The following THNSL1 variants were observed in gnomAD, a reference collection of about 807,000 sequenced individuals.
THNSL1 encodes the protein threonine synthase-like 1.
In THNSL1, 48 loss-of-function variants were observed where a neutral mutation model predicts 50.4. The observed-to-expected ratio is 0.95, with a 90% CI of 0.76 to 1.21. THNSL1 has a LOEUF of 1.21. THNSL1 is among the 50% of genes most tolerant of loss of function. The probability of loss-of-function intolerance (pLI) is 0.00; values close to 1 mark genes in which losing one functional copy is unlikely to be tolerated. For synonymous variants in THNSL1, 309 were observed against 306.1 expected, an observed-to-expected ratio of 1.01 and a Z score of -0.10; for missense variants, 896 against 871.7, an observed-to-expected ratio of 1.03 and a Z score of -0.35.
At chr10:25,007,509 A>G in the THNSL1 span, among the ~76,000 whole-genome samples, 4 of 152,088 alleles carry the variant, frequency 2.6e-5, no homozygotes, top group Admixed American at 2.6e-4. Context: ...ATCTCGGCTC[A>G]CTGCAAGCTC....
chr10:24,977,616 G>T, the THNSL1 span, among the ~76,000 whole-genome samples: 2 of 152,054 alleles, frequency 1.3e-5, no homozygotes, highest in African/African-American at 4.8e-5. Context: ...AAGGAATGAA[G>T]AATATGTATT....
rs1850839182 is a variant in THNSL1, at chr10:25,025,779, T to C, written c.*324T>C. ...AAATGTCTGGTATACTATTTGGCGA[T>C]TAAAATATTTAAGCCCAGTTTTCAG... On this transcript the variant is annotated 3_prime_UTR_variant, in exon 3 of 3. Transcript: ENST00000376356. 8.9e-6 allele frequency: 2 copies of C among 225,314 alleles called. No individual in the cohort carries two copies. The highest frequency in any genetic ancestry group is 1.9e-5 in the Non-Finnish European group (2 of 105,132). 14.0% of individuals were successfully genotyped at this position (225,314 alleles called of 1,614,324 possible).
chr10:24,990,344 A>G, the THNSL1 span: 2 of 1,340,448 alleles, frequency 1.5e-6, no homozygotes, highest in Non-Finnish European at 2.0e-6. Flanking sequence ...CTGTAACCCA[A>G]AGAGATTGTT....
chr10:25,025,469 A>G lies in THNSL1; in HGVS notation c.*14A>G, dbSNP rs771897705. 3.2e-6 allele frequency: 5 copies of G among 1,585,004 alleles called. No homozygotes were observed. The highest frequency in any genetic ancestry group is 4.3e-6 in the Non-Finnish European group (5 of 1,169,322). The stretch of plus-strand genomic sequence containing the variant: ...CAATTCATATGAAAGCTTTCAGAGT[A>G]AATTTTTTTTTCTAGCTATAAGCAT... On this transcript the variant is annotated 3_prime_UTR_variant, in exon 3 of 3. Coordinates refer to ENST00000376356, the MANE Select transcript of THNSL1 (RefSeq NM_024838.5).
intron 1 of THNSL1, among the ~76,000 whole-genome samples, chr10:25,018,659 G>GTTTTGT (rs1850658027): frequency 1.1e-5 from 1 of 93,714 alleles, no homozygotes; most frequent in African/African-American, 3.5e-5. Context: ...AATGAGAGTT[G>GTTTTGT]TTTTTTTTTT....
chr10:24,971,584 G>A, the THNSL1 span, among the ~76,000 whole-genome samples: 3 of 152,222 alleles, frequency 2.0e-5, no homozygotes, highest in Admixed American at 1.3e-4. Flanking sequence ...AGTTCTGTAA[G>A]CAATACCAAG....
the THNSL1 span, among the ~76,000 whole-genome samples, chr10:25,010,907 G>A: frequency 1.3e-5 from 2 of 151,482 alleles, no homozygotes; most frequent in Non-Finnish European, 2.9e-5. Flanking sequence ...ATAAACATAC[G>A]TGTGCATGTG....
At chr10:24,993,667 A>G in the THNSL1 span, among the ~76,000 whole-genome samples, 1 of 152,256 alleles carries the variant, frequency 6.6e-6, no homozygotes. Context: ...AAGTAAATTG[A>G]GTAAGTCTTT....
chr10:25,023,331 C>G lies in THNSL1; in HGVS notation c.108C>G (p.Thr36=), dbSNP rs750515105. The G allele has an allele frequency of 1.9e-6, 3 of 1,613,996 alleles. No homozygotes were observed. Among genetic ancestry groups the G allele is most frequent in the African/African-American group, 2.7e-5 (2 of 74,924 alleles). ...ATGCACAGCGATTTCTTTCAAGAAC[C>G]TTTGCACTTGCGGAATTGAGGAAGT... is the stretch of plus-strand genomic sequence containing the variant. The part of the protein sequence containing the change: ...DKHAQRFLSR[T]FALAELRKSW... Residue 36 remains threonine, a synonymous_variant, in exon 3 of 3, where the codon ACC becomes ACG. Transcript: ENST00000376356.
At chr10:25,005,377 C>T in the THNSL1 span, among the ~76,000 whole-genome samples, 5 of 152,116 alleles carry the variant, frequency 3.3e-5, no homozygotes, top group Non-Finnish European at 5.9e-5. Context: ...AGTAAATTTA[C>T]ATTTTAAAAA....
Position 25,023,946 on chromosome 10 carries a change from C to G in THNSL1, c.723C>G (p.Asp241Glu), listed in dbSNP as rs758315580. The change falls in exon 3 of 3, where the codon GAC becomes GAG. Residue 241 changes from aspartate to glutamate, a missense_variant. By Grantham distance (45) the Asp-to-Glu change is conservative. Coordinates refer to ENST00000376356, the MANE Select transcript of THNSL1 (RefSeq NM_024838.5). ...CAACAAGACACGTTTGGCCTGAAGA[C>G]TGTGAACAGAAGGTTTCAGCAAAAT... is the stretch of plus-strand genomic sequence containing the variant. The part of the protein sequence containing the change: ...FISTRHVWPE[D>E]CEQKVSAKFF... 8.1e-6 allele frequency: 13 copies of G among 1,614,088 alleles called. No homozygotes were observed. Among genetic ancestry groups the G allele is most frequent in the Admixed American group, 3.3e-5 (2 of 60,010 alleles).
chr10:24,956,067 A>T, the THNSL1 span, among the ~76,000 whole-genome samples: 1 of 152,180 alleles, frequency 6.6e-6, no homozygotes, highest in Non-Finnish European at 1.5e-5. Context: ...TGATAAAATT[A>T]TTAAAATAAT....
At chr10:25,008,903 A>G in the THNSL1 span, among the ~76,000 whole-genome samples, 7 of 152,266 alleles carry the variant, frequency 4.6e-5, no homozygotes, top group Non-Finnish European at 8.8e-5. Context: ...TGGCACATAT[A>G]TACCATGGAA....
chr10:25,003,937 A>C, the THNSL1 span, among the ~76,000 whole-genome samples: 1 of 152,148 alleles, frequency 6.6e-6, no homozygotes, highest in South Asian at 2.1e-4. Flanking sequence ...TTTTGGTTTC[A>C]TGTTCCTGTG....
chr10:24,966,663 T>A, the THNSL1 span, among the ~76,000 whole-genome samples: 2 of 152,224 alleles, frequency 1.3e-5, no homozygotes, highest in Admixed American at 6.5e-5. Context: ...GAGTACTTCC[T>A]GTACCTTTTT....
the THNSL1 span, among the ~76,000 whole-genome samples, chr10:24,975,208 G>A: frequency 6.0e-4 from 92 of 152,216 alleles, no homozygotes; most frequent in African/African-American, 2.1e-3. Context: ...AGAAACCTAC[G>A]TTAGTCCAAA....
chr10:24,989,347 T>A, the THNSL1 span, among the ~76,000 whole-genome samples: 1 of 152,190 alleles, frequency 6.6e-6, no homozygotes. Context: ...TGCTAGGCAC[T>A]GGGGATGCTG....
chr10:24,977,394 A>C, the THNSL1 span, among the ~76,000 whole-genome samples: 1 of 152,250 alleles, frequency 6.6e-6, no homozygotes, highest in East Asian at 1.9e-4. Flanking sequence ...TATACATTTT[A>C]GGTCAGGTAT....
At chr10:24,972,468 A>G in the THNSL1 span, among the ~76,000 whole-genome samples, 3 of 151,778 alleles carry the variant, frequency 2.0e-5, no homozygotes, top group Non-Finnish European at 4.4e-5. Context: ...AGACCCTGCC[A>G]CTGCACTCCA....
Sources: gnomAD v4.1 joint callset for allele counts (sites outside exome capture counted in the v4.1 genomes callset) on GRCh38, gnomAD v4.1.1 for gene constraint, MANE v1.5 for transcripts, NCBI Gene and HGNC (gene_info 2026-07-23, HGNC 2026-07-21) for gene names.